SLC9C1: variants seen among roughly 807,000 people sequenced by gnomAD.
SLC9C1 encodes the protein sodium/hydrogen exchanger 10.
Under a neutral mutation model 140.9 loss-of-function variants are expected in SLC9C1, and 97 were observed. That is an observed-to-expected ratio of 0.69 (90% confidence interval 0.58 to 0.82). The LOEUF (loss-of-function observed/expected upper bound fraction) is 0.82. Among genes scored for constraint, SLC9C1 ranks in the 40% least tolerant of loss-of-function variants. The probability of loss-of-function intolerance (pLI) is 0.00; values close to 1 mark genes in which losing one functional copy is unlikely to be tolerated. For missense variants in SLC9C1, 1,340 were observed against 1,389.3 expected, an observed-to-expected ratio of 0.96 and a Z score of 0.56; for synonymous variants, 440 against 442.6, an observed-to-expected ratio of 0.99 and a Z score of 0.07.
At chr3:112,153,960 G>A (rs961630707) in intron 27 of SLC9C1, among the ~76,000 whole-genome samples, 1 of 152,142 alleles carries the variant, frequency 6.6e-6, no homozygotes, top group Admixed American at 6.6e-5. Flanking sequence ...TGGACACTTG[G>A]GTACTGGAGA....
intron 26 of SLC9C1, among the ~76,000 whole-genome samples, chr3:112,160,702 C>T (rs1380720320): frequency 1.3e-5 from 2 of 151,246 alleles, no homozygotes; most frequent in Non-Finnish European, 2.9e-5. Flanking sequence ...CAAGTCTTTG[C>T]TATTGTGAAT....
rs551849051 is a variant in SLC9C1, at chr3:112,249,914, G to GT, written c.1198-5839dup. 5.0e-3 allele frequency among the ~76,000 whole-genome samples: 754 copies of GT among 151,146 alleles called. 4 individuals carry two copies. Among genetic ancestry groups the GT allele is most frequent in the Non-Finnish European group, 7.6e-3 (516 of 67,722 alleles). ...TTCTGGTTTCATCGATGTTTTCTAT[G>GT]TTTTTTTTTAAATTATACTTTAAGT... On this transcript the variant is annotated intron_variant, in intron 10 of 28. Coordinates refer to ENST00000305815, the MANE Select transcript of SLC9C1 (RefSeq NM_183061.3).
chr3:112,239,710 TAG>T (rs776389325), intron 12 of SLC9C1, 128 bp downstream of exon 12: 2 of 933,266 alleles, frequency 2.1e-6, no homozygotes, highest in Non-Finnish European at 3.1e-6. Flanking sequence ...CTTTGTTAAA[TAG>T]AGTTATTAAC....
At chr3:112,264,440 C>A (rs1304959069) in intron 8 of SLC9C1, 97 bp from the exon 9 acceptor site, 7 of 625,302 alleles carry the variant, frequency 1.1e-5, no homozygotes, top group East Asian at 8.7e-5. Context: ...CTAATGATTA[C>A]CAAAAAATGA....
chr3:112,154,505 CT>C (rs770664879), intron 27 of SLC9C1, among the ~76,000 whole-genome samples: 1 of 152,178 alleles, frequency 6.6e-6, no homozygotes, highest in Non-Finnish European at 1.5e-5. Flanking sequence ...ATTTGTGGGA[CT>C]TTCTGAATAA....
chr3:112,242,600 G>A (rs1480631147), intron 11 of SLC9C1, among the ~76,000 whole-genome samples: 1 of 152,076 alleles, frequency 6.6e-6, no homozygotes, highest in African/African-American at 2.4e-5. Context: ...GAATGAAAAA[G>A]ATCTGGCATT....
In SLC9C1 at chr3:112,243,920, T is replaced by G; in HGVS notation, c.1279+75A>C. The G allele has an allele frequency of 2.8e-6, 3 of 1,081,688 alleles. No individual in the cohort carries two copies. The South Asian group carries it at 5.3e-5, about 19-fold the overall frequency. The allele number at this position is 1,081,688 out of a possible 1,614,324, so 67.0% of individuals were successfully genotyped here. On this transcript the variant is annotated intron_variant, in intron 11 of 28. Coordinates refer to ENST00000305815, the MANE Select transcript of SLC9C1 (RefSeq NM_183061.3). ...TTGCCTAGGCTGTATATGGATTCTT[T>G]CTTTATTATTAGCACTTCTTTACCA...
chr3:112,142,569 T>G (rs2074662830), intron 28 of SLC9C1, among the ~76,000 whole-genome samples: 1 of 152,200 alleles, frequency 6.6e-6, no homozygotes, highest in East Asian at 1.9e-4. Flanking sequence ...CTCCTTGTAT[T>G]TCCTTCTGCT....
intron 15 of SLC9C1, among the ~76,000 whole-genome samples, chr3:112,213,744 C>A (rs1219571528): frequency 6.6e-6 from 1 of 152,102 alleles, no homozygotes; most frequent in Non-Finnish European, 1.5e-5. Context: ...TTAAGACTCC[C>A]ACACAATAAT....
intron 23 of SLC9C1, among the ~76,000 whole-genome samples, chr3:112,171,107 G>A (rs771116303): frequency 7.9e-5 from 12 of 152,082 alleles, no homozygotes; most frequent in East Asian, 5.8e-4. Flanking sequence ...CTAGCTACTT[G>A]GGAGGCTGAG....
chr3:112,293,125 A>AT (rs1369969518), intron 1 of SLC9C1, among the ~76,000 whole-genome samples: 1 of 151,290 alleles, frequency 6.6e-6, no homozygotes, highest in Non-Finnish European at 1.5e-5. Context: ...AAAAAAAAAA[A>AT]AAAAAATTAG....
chr3:112,258,173 C>A (rs1482041969), intron 10 of SLC9C1, among the ~76,000 whole-genome samples: 1 of 152,184 alleles, frequency 6.6e-6, no homozygotes, highest in Non-Finnish European at 1.5e-5. Flanking sequence ...CCATTTGACC[C>A]AGCAATCCCA....
chr3:112,250,853 G>A (rs2079435536), intron 10 of SLC9C1, among the ~76,000 whole-genome samples: 1 of 152,064 alleles, frequency 6.6e-6, no homozygotes, highest in South Asian at 2.1e-4. Flanking sequence ...CAAAGAACTT[G>A]GAACTACCAT....
intron 2 of SLC9C1, among the ~76,000 whole-genome samples, chr3:112,281,808 C>A (rs529457637): frequency 1.5e-4 from 23 of 152,240 alleles, no homozygotes; most frequent in Non-Finnish European, 1.9e-4. Context: ...TTTATGTTGA[C>A]ACTTGGGTGG....
chr3:112,203,448 C>T lies in SLC9C1; in HGVS notation c.2172+770G>A, dbSNP rs568512285. ...GACTACTGGTTCTGTACTCTTTGACCTAGTTGATTTATGCCTCTCAGTAGC... is the reference window on the plus strand; with the variant it reads ...GACTACTGGTTCTGTACTCTTTGACTTAGTTGATTTATGCCTCTCAGTAGC... On this transcript the variant is annotated intron_variant, in intron 17 of 28. Coordinates refer to ENST00000305815, the MANE Select transcript of SLC9C1 (RefSeq NM_183061.3). 2.0e-5 allele frequency among the ~76,000 whole-genome samples: 3 copies of T among 152,068 alleles called. 1 individual carries two copies. The highest frequency in any genetic ancestry group is 7.2e-5 in the African/African-American group (3 of 41,528).
At chr3:112,190,180 CAG>C (rs2077627476) in intron 20 of SLC9C1, among the ~76,000 whole-genome samples, 1 of 152,162 alleles carries the variant, frequency 6.6e-6, no homozygotes, top group African/African-American at 2.4e-5. Flanking sequence ...CATCTGCAAA[CAG>C]GGAAAATTTG....
At chr3:112,228,666 G>C (rs1469593682) in intron 13 of SLC9C1, among the ~76,000 whole-genome samples, 1 of 151,986 alleles carries the variant, frequency 6.6e-6, no homozygotes, top group Non-Finnish European at 1.5e-5. Context: ...AATAGACAAA[G>C]AACTCAAACC....
chr3:112,204,398 T>C lies in SLC9C1; in HGVS notation c.1992A>G (p.Ala664=). 6.4e-7 allele frequency: 1 copy of C among 1,561,972 alleles called. No homozygotes were observed. The highest frequency in any genetic ancestry group is 1.3e-5 in the South Asian group (1 of 79,494). The change falls in exon 17 of 29, where the codon GCA becomes GCG. Residue 664 remains alanine (A), a synonymous_variant. Transcript: ENST00000305815. ...GTGAAAAAAAGTCCTTCCTCATTGC[T>C]GCTATCTGTTGATTTAAAAGGAAAT... is the stretch of plus-strand genomic sequence containing the variant. ...LYILEALLKI[A]AMRKDFFSHA...
At chr3:112,144,077 T>C (rs1465189518) in intron 28 of SLC9C1, among the ~76,000 whole-genome samples, 2 of 152,136 alleles carry the variant, frequency 1.3e-5, no homozygotes, top group Non-Finnish European at 2.9e-5. Context: ...GCTTTAGTTA[T>C]AGGTTCTCTA....
Sources: allele counts gnomAD v4.1 joint callset (sites outside exome capture counted in the v4.1 genomes callset), GRCh38; gene constraint gnomAD v4.1.1; transcripts MANE v1.5; gene names NCBI Gene and HGNC (gene_info 2026-07-23, HGNC 2026-07-21).